Variants in PPP2R2C observed in about 807,000 individuals in gnomAD.
PPP2R2C encodes the protein protein phosphatase 2 regulatory subunit Bgamma.
Under a neutral mutation model 45.3 loss-of-function variants are expected in PPP2R2C, and 10 were observed. That is an observed-to-expected ratio of 0.22 (90% CI 0.14 to 0.37). The LOEUF is 0.37. Ranked by LOEUF, PPP2R2C falls within the 10% of genes least tolerant of loss-of-function variation. PPP2R2C has a pLI of 1.00. For missense variants in PPP2R2C, 308 were observed against 619.7 expected, an observed-to-expected ratio of 0.50 and a Z score of 5.34; for synonymous variants, 257 against 245.4, an observed-to-expected ratio of 1.05 and a Z score of -0.44.
At chr4:6,349,866 G>A in intron 5 of PPP2R2C, 1 of 975,322 alleles carries the variant, frequency 1.0e-6, no homozygotes, top group Non-Finnish European at 1.2e-6. Flanking sequence ...ATTCCAGCCT[G>A]GTGACAGGGC....
intron 1 of PPP2R2C, among the ~76,000 whole-genome samples, chr4:6,457,306 A>G (rs966711823): frequency 1.1e-4 from 16 of 152,040 alleles, no homozygotes; most frequent in African/African-American, 3.9e-4. Flanking sequence ...GGCCTTTAAA[A>G]TTTTTTGTCA....
intron 1 of PPP2R2C, among the ~76,000 whole-genome samples, chr4:6,385,134 C>T (rs1444054349): frequency 6.6e-6 from 1 of 152,164 alleles, no homozygotes; most frequent in East Asian, 1.9e-4. Flanking sequence ...TTGACAGCCA[C>T]AAGCTCTGCA....
At chr4:6,491,416 G>A (rs887224082) in intron 2 of PPP2R2C, among the ~76,000 whole-genome samples, 2 of 152,188 alleles carry the variant, frequency 1.3e-5, no homozygotes, top group Admixed American at 6.5e-5. Context: ...AACCAGTCCA[G>A]GTATTCCCTT....
At chr4:6,422,463 G>A (rs2109394716) in intron 1 of PPP2R2C, among the ~76,000 whole-genome samples, 1 of 152,276 alleles carries the variant, frequency 6.6e-6, no homozygotes, top group South Asian at 2.1e-4. Context: ...ATTAAATTTG[G>A]TAACTGTATT....
intron 1 of PPP2R2C, among the ~76,000 whole-genome samples, chr4:6,557,387 A>G (rs954336538): frequency 1.3e-5 from 2 of 152,134 alleles, no homozygotes; most frequent in Admixed American, 6.5e-5. Context: ...CAGCAAAAAA[A>G]AAAGAAAGAA....
intron 1 of PPP2R2C, among the ~76,000 whole-genome samples, chr4:6,444,821 T>G (rs1027913894): frequency 1.3e-5 from 2 of 152,228 alleles, no homozygotes; most frequent in African/African-American, 4.8e-5. Context: ...ACATGTCCAC[T>G]GGACACACAA....
intron 1 of PPP2R2C, among the ~76,000 whole-genome samples, chr4:6,405,260 C>T (rs941730548): frequency 4.0e-4 from 61 of 152,338 alleles, no homozygotes; most frequent in African/African-American, 1.3e-3. Flanking sequence ...CACAGCAGAG[C>T]TGGCTCAGGG....
chr4:6,381,713 C>T (rs925904752), intron 1 of PPP2R2C: 37 of 1,570,858 alleles, frequency 2.4e-5, no homozygotes, highest in Non-Finnish European at 3.2e-5. Flanking sequence ...CCTCCCTGCA[C>T]TTCATCCCAA....
intron 1 of PPP2R2C, among the ~76,000 whole-genome samples, chr4:6,398,660 C>T (rs183536717): frequency 2.0e-5 from 3 of 152,230 alleles, no homozygotes; most frequent in East Asian, 3.9e-4. Flanking sequence ...GAATGAAAAA[C>T]GATAGAGCCC....
chr4:6,410,621 G>C (rs6830207), intron 1 of PPP2R2C, among the ~76,000 whole-genome samples: 1 of 151,884 alleles, frequency 6.6e-6, no homozygotes, highest in Non-Finnish European at 1.5e-5. Flanking sequence ...CTGGTCTGCA[G>C]GTGTGTGAGG....
chr4:6,426,848 T>G (rs1215196595), intron 1 of PPP2R2C, among the ~76,000 whole-genome samples: 74 of 152,178 alleles, frequency 4.9e-4, no homozygotes, highest in Non-Finnish European at 4.4e-5. Context: ...AAACACTGGC[T>G]CAAGCAAGTC....
intron 2 of PPP2R2C, among the ~76,000 whole-genome samples, chr4:6,534,396 A>C (rs1398741140): frequency 6.6e-6 from 1 of 151,232 alleles, no homozygotes; most frequent in East Asian, 1.9e-4. Context: ...ACACACACCA[A>C]CACACACACA....
chr4:6,332,678 G>T lies in PPP2R2C; in HGVS notation c.960+884C>A, dbSNP rs552212593. Reference sequence around the variant, plus strand: ...ACCTCCCTCATCTCCCTACCTCTCAGTGCCCGAGTTCCCTTTCCACCAAAT... The same window carrying T: ...ACCTCCCTCATCTCCCTACCTCTCATTGCCCGAGTTCCCTTTCCACCAAAT... On this transcript the variant is annotated intron_variant, in intron 7 of 8. Transcript: ENST00000382599. This position sits in a 1 kb window ranked among gnomAD's most constrained non-coding sequence, Gnocchi z 4.9. Among the ~76,000 whole-genome samples the T allele has an allele frequency of 6.6e-6, 1 of 152,264 alleles. No individual in the cohort carries two copies. Among genetic ancestry groups the T allele is most frequent in the South Asian group, 2.1e-4 (1 of 4,808 alleles).
At chr4:6,449,251 A>C (rs959353813) in intron 1 of PPP2R2C, among the ~76,000 whole-genome samples, 1 of 152,142 alleles carries the variant, frequency 6.6e-6, no homozygotes, top group African/African-American at 2.4e-5. Context: ...AACTAGACAC[A>C]ACCTGATGTT....
At chr4:6,550,585 G>A (rs759190065) in intron 1 of PPP2R2C, among the ~76,000 whole-genome samples, 1 of 152,220 alleles carries the variant, frequency 6.6e-6, no homozygotes. Flanking sequence ...CTCCCTGCAT[G>A]AGGCTCCAGG....
intron 1 of PPP2R2C, among the ~76,000 whole-genome samples, chr4:6,466,219 G>A (rs1281458980): frequency 1.3e-5 from 2 of 152,210 alleles, no homozygotes; most frequent in Non-Finnish European, 2.9e-5. Flanking sequence ...GCCAATATGT[G>A]TAACCACAGA....
At chr4:6,369,183 T>C (rs1303041673) in intron 5 of PPP2R2C, among the ~76,000 whole-genome samples, 1 of 152,242 alleles carries the variant, frequency 6.6e-6, no homozygotes. Flanking sequence ...TATGATTAAC[T>C]GGAACTAAAT....
chr4:6,381,488 C>G, intron 1 of PPP2R2C: 2 of 1,373,400 alleles, frequency 1.5e-6, no homozygotes, highest in Non-Finnish European at 1.9e-6. Flanking sequence ...GCTCCAGCAA[C>G]CTGGGTCAGG....
intron 1 of PPP2R2C, among the ~76,000 whole-genome samples, chr4:6,431,362 C>G (rs1352148570): frequency 6.6e-6 from 1 of 152,220 alleles, no homozygotes; most frequent in East Asian, 1.9e-4. Flanking sequence ...TCCAGAACAC[C>G]ATGGAGGGGC....
Sources: allele counts gnomAD v4.1 joint callset (sites outside exome capture counted in the v4.1 genomes callset), GRCh38; gene constraint gnomAD v4.1.1; non-coding constraint Gnocchi (gnomAD v3.1); transcripts MANE v1.5; gene names NCBI Gene and HGNC (gene_info 2026-07-23, HGNC 2026-07-21).